The following HECA variants were observed in gnomAD, a reference collection of about 807,000 sequenced individuals.
HECA encodes headcase protein homolog.
Under a neutral mutation model 37.6 loss-of-function variants are expected in HECA, and 13 were observed. The ratio of observed to expected loss-of-function variants is 0.35; its 90% CI spans 0.23 to 0.55. The LOEUF is 0.55. Among genes scored for constraint, HECA ranks in the 20% least tolerant of loss-of-function variants. The pLI is 0.90. For synonymous variants in HECA, 307 were observed against 291.5 expected (o/e 1.05, Z -0.54); for missense variants, 527 against 701.9 (o/e 0.75, Z 2.82).
intron 1 of HECA, among the ~76,000 whole-genome samples, chr6:139,136,978 G>A (rs1283112437): frequency 6.6e-6 from 1 of 152,180 alleles, no homozygotes; most frequent in East Asian, 1.9e-4. Flanking sequence ...TACAAGCAGC[G>A]TACAGTGCTC....
At chr6:139,152,855 CTTTTTA>C (rs1230692499) in intron 1 of HECA, among the ~76,000 whole-genome samples, 1 of 151,974 alleles carries the variant, frequency 6.6e-6, no homozygotes, top group Non-Finnish European at 1.5e-5. Flanking sequence ...CTTTAAATTT[CTTTTTA>C]TTTTTAATTT....
rs540432157 is a variant in HECA, at chr6:139,140,217, G to A, written c.271+4550G>A. Among the ~76,000 whole-genome samples, 173 of 152,236 alleles carry A rather than the reference G, an allele frequency of 1.1e-3. 2 individuals carry two copies. Among genetic ancestry groups the A allele is most frequent in the African/African-American group, 4.0e-3 (165 of 41,528 alleles). On this transcript the variant is annotated intron_variant, in intron 1 of 3. Transcript: ENST00000367658. ...TTTAAATTACCTATATCCATCAGTA[G>A]GAAAATGAAAAATGTTTGCTTGCTG...
chr6:139,157,304 G>C (rs965688390), intron 1 of HECA, among the ~76,000 whole-genome samples: 4 of 152,132 alleles, frequency 2.6e-5, no homozygotes, highest in Non-Finnish European at 5.9e-5. Context: ...AGGTCTTTAT[G>C]ATATGTGTTT....
At position 139,135,648 on chromosome 6, in the gene HECA, C is replaced by G. The variant is rs1314079167; in HGVS notation, c.252C>G (p.Ala84=). 2.0e-6 allele frequency: 2 copies of G among 978,174 alleles called. No homozygotes were observed. The highest frequency in any genetic ancestry group is 1.2e-6 in the Non-Finnish European group (1 of 824,224). 60.6% of individuals were successfully genotyped at this position (978,174 alleles called of 1,614,324 possible). The part of the protein sequence containing the change: ...ANAAAAAGAA[A]AGDAKNEAPC... ...CTGCGGCCGCCGCGGGGGCTGCGGCCGCGGGCGATGCCAAAAACGGTAAGA... is the reference window on the plus strand; with the variant it reads ...CTGCGGCCGCCGCGGGGGCTGCGGCGGCGGGCGATGCCAAAAACGGTAAGA... Residue 84 remains alanine, a synonymous_variant, in exon 1 of 4, where the codon GCC becomes GCG. Coordinates refer to ENST00000367658, the MANE Select transcript of HECA (RefSeq NM_016217.3).
At chr6:139,140,668 G>T (rs1774502602) in intron 1 of HECA, among the ~76,000 whole-genome samples, 1 of 152,168 alleles carries the variant, frequency 6.6e-6, no homozygotes, top group Non-Finnish European at 1.5e-5. Flanking sequence ...ATCTCTTGCA[G>T]CTTAATCCTC....
chr6:139,145,299 AAGTC>A (rs1486639331), intron 1 of HECA, among the ~76,000 whole-genome samples: 1 of 152,250 alleles, frequency 6.6e-6, no homozygotes, highest in Non-Finnish European at 1.5e-5. Flanking sequence ...AACTAGCAAA[AAGTC>A]AGTAGCATTT....
intron 1 of HECA, among the ~76,000 whole-genome samples, chr6:139,146,353 G>T (rs1774583412): frequency 6.6e-6 from 1 of 152,178 alleles, no homozygotes; most frequent in African/African-American, 2.4e-5. Flanking sequence ...AAGTTATAAA[G>T]TCATCTCAGT....
intron 1 of HECA, among the ~76,000 whole-genome samples, chr6:139,150,210 G>T (rs1251969424): frequency 1.3e-5 from 2 of 152,124 alleles, no homozygotes; most frequent in Non-Finnish European, 2.9e-5. Flanking sequence ...ATAGAATTGT[G>T]AATTTACCAA....
rs145949309 is a variant in HECA, at chr6:139,158,690, A to G, written c.272-7594A>G. Among the ~76,000 whole-genome samples, 601 of 140,156 alleles carry G rather than the reference A, an allele frequency of 4.3e-3. 2 individuals carry two copies. The highest frequency in any genetic ancestry group is 0.015 in the Middle Eastern group (4 of 272). The allele number at this position is 140,156 out of a possible 152,430, so 91.9% of individuals were successfully genotyped here. ...TGTCTCAAAAAAAAAAAAAAAAAGAAAAATTGGTGTTTAGGTGCCAAGCAC... is the reference window on the plus strand; with the variant it reads ...TGTCTCAAAAAAAAAAAAAAAAAGAGAAATTGGTGTTTAGGTGCCAAGCAC... On this transcript the variant is annotated intron_variant, in intron 1 of 3. Transcript: ENST00000367658.
chr6:139,167,799 G>A (rs866666781), intron 2 of HECA, among the ~76,000 whole-genome samples: 1 of 152,158 alleles, frequency 6.6e-6, no homozygotes, highest in Non-Finnish European at 1.5e-5. Context: ...AGCAGCAAAA[G>A]GTAAACAGGA....
intron 1 of HECA, among the ~76,000 whole-genome samples, chr6:139,156,158 T>TATC (rs1774709497): frequency 6.6e-6 from 1 of 152,094 alleles, no homozygotes; most frequent in African/African-American, 2.4e-5. Flanking sequence ...TTTGTATTAT[T>TATC]ATTTTTTACA....
At chr6:139,167,685 TATAAAC>T (rs951708421) in intron 2 of HECA, among the ~76,000 whole-genome samples, 11 of 152,322 alleles carry the variant, frequency 7.2e-5, no homozygotes, top group African/African-American at 1.7e-4. Flanking sequence ...CTTAGATCCT[TATAAAC>T]ATAACAGTGA....
chr6:139,157,880 A>G (rs765331363), intron 1 of HECA, among the ~76,000 whole-genome samples: 4 of 152,150 alleles, frequency 2.6e-5, no homozygotes, highest in Non-Finnish European at 4.4e-5. Flanking sequence ...AGAGGGGGTG[A>G]ATATAATAAC....
chr6:139,166,784 G>T lies in HECA; in HGVS notation c.772G>T (p.Ala258Ser). 2 of 1,613,524 alleles carry T rather than the reference G, an allele frequency of 1.2e-6. No individual in the cohort carries two copies. Among genetic ancestry groups the T allele is most frequent in the Non-Finnish European group, 1.7e-6 (2 of 1,179,862 alleles). The change falls in exon 2 of 4, where the codon GCA becomes TCA. Residue 258 changes from alanine (A) to serine (S), a missense_variant. Around this residue, in one of 4 missense-constraint regions of HECA, gnomAD observed 228 missense variants for 259.8 expected, o/e 0.88. Transcript: ENST00000367658. ...CTCCCAGGAGAAGGCAGTGGGTGCC[G>T]CAGCCTACGGTGCCCGTTCCCCCGG... Reference protein sequence around the residue: ...QNSQEKAVGAAAYGARSPGGS... With the variant: ...QNSQEKAVGASAYGARSPGGS...
chr6:139,153,850 C>T (rs914171030), intron 1 of HECA, among the ~76,000 whole-genome samples: 1 of 152,142 alleles, frequency 6.6e-6, no homozygotes, highest in African/African-American at 2.4e-5. Flanking sequence ...TTTCCTATAA[C>T]AAAATATACA....
At chr6:139,154,131 T>C (rs1774685011) in intron 1 of HECA, among the ~76,000 whole-genome samples, 2 of 152,214 alleles carry the variant, frequency 1.3e-5, no homozygotes, top group South Asian at 4.1e-4. Context: ...ATCAGAGCAA[T>C]GTAATTGCTA....
In HECA at chr6:139,174,462, T is replaced by G. The variant is rs753878485; in HGVS notation, c.1390T>G (p.Ser464Ala). 1.9e-6 allele frequency: 3 copies of G among 1,614,030 alleles called. No individual in the cohort carries two copies. Among genetic ancestry groups the G allele is most frequent in the Non-Finnish European group, 2.5e-6 (3 of 1,179,992 alleles). The change falls in exon 3 of 4, where the codon TCA (serine) becomes GCA (alanine). Residue 464 changes from serine (S) to alanine (A), a missense_variant. Physicochemically the swap from Ser to Ala is moderately conservative, Grantham distance 99. Coordinates refer to ENST00000367658, the MANE Select transcript of HECA (RefSeq NM_016217.3). ...VHKIICIKCK[S>A]RWDGSWHQLG... Reference sequence around the variant, plus strand: ...CAAGATCATCTGCATCAAGTGTAAGTCACGGTGGGATGGCAGCTGGCACCA... The same window carrying G: ...CAAGATCATCTGCATCAAGTGTAAGGCACGGTGGGATGGCAGCTGGCACCA...
At chr6:139,141,737 A>G (rs1774514724) in intron 1 of HECA, among the ~76,000 whole-genome samples, 1 of 141,072 alleles carries the variant, frequency 7.1e-6, no homozygotes, top group Admixed American at 7.6e-5. Flanking sequence ...GAGAGCCCTC[A>G]TGGCCTAAAC....
Position 139,167,341 on chromosome 6 carries a change from A to C in HECA, c.1312+17A>C. The C allele has an allele frequency of 6.6e-7, 1 of 1,520,732 alleles. No individual in the cohort carries two copies. Among genetic ancestry groups the C allele is most frequent in the Non-Finnish European group, 9.0e-7 (1 of 1,114,884 alleles). 94.2% of individuals were successfully genotyped at this position (1,520,732 alleles called of 1,614,324 possible). On this transcript the variant is annotated intron_variant, in intron 2 of 3. Coordinates refer to ENST00000367658, the MANE Select transcript of HECA (RefSeq NM_016217.3). ...ACCTTCAAGGTATAGGTGTTAATTC[A>C]CCTTGCCTGCTTTCTGTTTGTTAAA... is the stretch of plus-strand genomic sequence containing the variant.
Sources: gnomAD v4.1 joint callset for allele counts (sites outside exome capture counted in the v4.1 genomes callset) on GRCh38, gnomAD v4.1.1 for gene constraint, gnomAD v4.1.1 regional missense constraint, MANE v1.5 for transcripts, NCBI Gene and HGNC (gene_info 2026-07-23, HGNC 2026-07-21) for gene names.